The following GLB1 variants were observed in gnomAD, a reference collection of about 807,000 sequenced individuals.
The protein encoded by GLB1 is beta-galactosidase.
Under a neutral mutation model 74.0 loss-of-function variants are expected in GLB1, and 56 were observed. That is an observed-to-expected ratio of 0.76 (90% CI 0.61 to 0.94). The LOEUF (loss-of-function observed/expected upper bound fraction) is 0.94. GLB1 is among the 40% of genes least tolerant of loss of function. The pLI is 0.00. For synonymous variants in GLB1, 323 were observed against 323.6 expected (o/e 1.00, Z 0.02); for missense variants, 787 against 845.5 (o/e 0.93, Z 0.86).
At chr3:32,985,595 GT>G in the GLB1 span, among the ~76,000 whole-genome samples, 1 of 151,944 alleles carries the variant, frequency 6.6e-6, no homozygotes, top group African/African-American at 2.4e-5. Context: ...CCCGGCCTAT[GT>G]TTTTAATTTT....
the GLB1 span, among the ~76,000 whole-genome samples, chr3:32,967,447 A>G: frequency 3.6e-4 from 55 of 152,300 alleles, no homozygotes; most frequent in African/African-American, 1.3e-3. Flanking sequence ...TGTGCCTATA[A>G]TCCCAGCTAC....
intron 5 of GLB1, among the ~76,000 whole-genome samples, chr3:33,059,167 A>C (rs1699342234): frequency 6.6e-6 from 1 of 151,926 alleles, no homozygotes; most frequent in Non-Finnish European, 1.5e-5. Context: ...ATTCCCAGTG[A>C]GGTGGGTAGC....
intron 1 of GLB1, among the ~76,000 whole-genome samples, chr3:33,074,324 AGAAGGAAGGAAG>A (rs71622579): frequency 2.8e-4 from 26 of 92,978 alleles, no homozygotes; most frequent in African/African-American, 9.0e-4. Context: ...AGAACGAGAA[AGAAGGAAGGAAG>A]GAAGGAAGGA....
Position 33,051,872 on chromosome 3 carries a change from T to G in GLB1, c.914+11A>C. On this transcript the variant is annotated intron_variant, in intron 8 of 15. Transcript: ENST00000307363. ...CTGAGGGCACCCTCCCCTCAGGCAATGAACACTCACAAGTTCACACTCGCC... is the reference window on the plus strand; with the variant it reads ...CTGAGGGCACCCTCCCCTCAGGCAAGGAACACTCACAAGTTCACACTCGCC... The G allele has an allele frequency of 6.2e-7, 1 of 1,614,196 alleles. No individual in the cohort carries two copies. The highest frequency in any genetic ancestry group is 8.5e-7 in the Non-Finnish European group (1 of 1,180,034).
rs1193415434 is a variant in GLB1 at position 33,014,065 on chromosome 3, T to A, written c.1725A>T (p.Gly575=). 14 of 1,614,210 alleles carry A rather than the reference T, an allele frequency of 8.7e-6. No homozygotes were observed. The highest frequency in any genetic ancestry group is 5.0e-5 in the Admixed American group (3 of 60,026). ...LPQDTFIQFP[G]WTKGQVWING... ...CCATGAAGACACGTACCTTGGTCCATCCAGGAAACTGGATAAAGGTGTCCT... is the reference window on the plus strand; with the variant it reads ...CCATGAAGACACGTACCTTGGTCCAACCAGGAAACTGGATAAAGGTGTCCT... Residue 575 remains glycine, a synonymous_variant, in exon 15 of 16, where the codon GGA becomes GGT. Coordinates refer to ENST00000307363, the MANE Select transcript of GLB1 (RefSeq NM_000404.4).
chr3:32,976,856 G>C, the GLB1 span, among the ~76,000 whole-genome samples: 1 of 152,192 alleles, frequency 6.6e-6, no homozygotes, highest in African/African-American at 2.4e-5. Context: ...CAAGAAAATG[G>C]ATGGTGGTAG....
At chr3:32,988,832 ACTGTTTTTTC>A in the GLB1 span, among the ~76,000 whole-genome samples, 5 of 149,064 alleles carry the variant, frequency 3.4e-5, no homozygotes, top group Non-Finnish European at 7.4e-5. Flanking sequence ...CCACCTAACA[ACTGTTTTTTC>A]CTGTTTTTTT....
At chr3:32,996,167 T>C (rs58930285), downstream of GLB1, among the ~76,000 whole-genome samples, 3,359 of 152,274 alleles carry the variant, frequency 0.022, 522 homozygotes, top group East Asian at 0.42. Context: ...CTCAGAACTG[T>C]GCATGGTGTA....
chr3:33,033,778 CAAAAAAAA>C (rs60962107), intron 10 of GLB1: 3 of 181,124 alleles, frequency 1.7e-5, no homozygotes, highest in African/African-American at 4.0e-5. Flanking sequence ...GAGACTGTCT[CAAAAAAAA>C]AAAAAAAAAA....
intron 10 of GLB1, among the ~76,000 whole-genome samples, chr3:33,033,650 G>A (rs1234698459): frequency 3.3e-5 from 5 of 152,042 alleles, no homozygotes; most frequent in African/African-American, 7.3e-5. Flanking sequence ...GTGTGGTGGC[G>A]TGCACCTGTA....
chr3:33,053,468 C>T (rs1167897038), intron 7 of GLB1, 23 bp downstream of exon 7: 1 of 1,614,204 alleles, frequency 6.2e-7, no homozygotes. Flanking sequence ...GCTGCAAACA[C>T]ACACCTCACC....
intron 15 of GLB1, among the ~76,000 whole-genome samples, chr3:33,007,421 AATT>A (rs1696834579): frequency 1.3e-5 from 2 of 152,240 alleles, no homozygotes; most frequent in Non-Finnish European, 2.9e-5. Context: ...TGTCTATATG[AATT>A]TGCCTGTTCC....
chr3:32,996,044 C>G (rs1189335826), downstream of GLB1, among the ~76,000 whole-genome samples: 1 of 152,170 alleles, frequency 6.6e-6, no homozygotes, highest in Non-Finnish European at 1.5e-5. Context: ...TAGAGCCAGA[C>G]TACCTGGGCT....
the GLB1 span, among the ~76,000 whole-genome samples, chr3:32,989,850 C>A: frequency 6.6e-6 from 1 of 152,164 alleles, no homozygotes; most frequent in Non-Finnish European, 1.5e-5. Flanking sequence ...AAACTGTAAA[C>A]TGAGCTGCAT....
chr3:32,964,860 C>A, the GLB1 span, among the ~76,000 whole-genome samples: 1 of 152,142 alleles, frequency 6.6e-6, no homozygotes, highest in Non-Finnish European at 1.5e-5. Context: ...GTGGGAGGTA[C>A]TTTGAATCAT....
chr3:33,030,770 C>T (rs759174927), intron 10 of GLB1: 70 of 985,286 alleles, frequency 7.1e-5, no homozygotes, highest in Non-Finnish European at 6.9e-5. Flanking sequence ...TACAGTGACC[C>T]ATTTCCAAAA....
chr3:33,097,056 A>G lies in GLB1; in HGVS notation c.30T>C (p.Pro10=). Residue 10 remains proline (P), a synonymous_variant, in exon 1 of 16, where the codon CCT becomes CCC. Coordinates refer to ENST00000307363, the MANE Select transcript of GLB1 (RefSeq NM_000404.4). MPGFLVRIL[P]LLLVLLLLGP... Reference sequence around the variant, plus strand: ...CCAGAAGCAGCAGAACCAGCAACAGAGGGAGGATGCGAACCAGGAACCCCG... The same window carrying G: ...CCAGAAGCAGCAGAACCAGCAACAGGGGGAGGATGCGAACCAGGAACCCCG... 1 of 1,612,078 alleles carries G rather than the reference A, an allele frequency of 6.2e-7. No homozygotes were observed. Among genetic ancestry groups the G allele is most frequent in the Non-Finnish European group, 8.5e-7 (1 of 1,178,664 alleles).
intron 15 of GLB1, among the ~76,000 whole-genome samples, chr3:33,000,598 G>A (rs1315060942): frequency 1.3e-5 from 2 of 152,076 alleles, no homozygotes; most frequent in Non-Finnish European, 2.9e-5. Context: ...ATGGTGGTGG[G>A]TGCCTGTAAT....
chr3:33,004,855 A>G (rs1559378242), intron 15 of GLB1, among the ~76,000 whole-genome samples: 1 of 152,206 alleles, frequency 6.6e-6, no homozygotes, highest in Non-Finnish European at 1.5e-5. Context: ...GGAGGTGCCT[A>G]TGAGACCCCC....
Sources: gnomAD v4.1 joint callset for allele counts (sites outside exome capture counted in the v4.1 genomes callset) on GRCh38, gnomAD v4.1.1 for gene constraint, MANE v1.5 for transcripts, NCBI Gene and HGNC (gene_info 2026-07-23, HGNC 2026-07-21) for gene names.